Variants in TMEM161A observed in about 807,000 individuals in gnomAD.
The protein encoded by TMEM161A is transmembrane protein 161A.
TMEM161A carries 46 observed loss-of-function variants against 57.1 expected under a neutral mutation model. The ratio of observed to expected loss-of-function variants is 0.81; its 90% CI spans 0.64 to 1.03. The LOEUF is 1.03. Among genes scored for constraint, TMEM161A ranks in the 50% least tolerant of loss-of-function variants. The pLI is 0.00. For synonymous variants in TMEM161A, 288 were observed against 279.0 expected (o/e 1.03, Z -0.32); for missense variants, 601 against 621.5 (o/e 0.97, Z 0.35).
Position 19,130,175 on chromosome 19 carries a change from G to A in TMEM161A, c.576C>T (p.Leu192=), listed in dbSNP as rs752542839. 41 of 1,613,538 alleles carry A rather than the reference G, an allele frequency of 2.5e-5. No homozygotes were observed. The highest frequency in any genetic ancestry group is 1.3e-4 in the East Asian group (6 of 44,894). ...MLVQVVREET[L]ELGLEPGLAS... ...ACTTACCAGGCTCCAGGCCCAGCTC[G>A]AGGGTCTCCTCCCGCACCACTTGCA... The change falls in exon 6 of 12, where the codon CTC becomes CTT. Residue 192 remains leucine, a synonymous_variant. Transcript: ENST00000162044.
intron 6 of TMEM161A, among the ~76,000 whole-genome samples, chr19:19,124,955 CAAAACA>C (rs978974772): frequency 6.6e-6 from 1 of 151,124 alleles, no homozygotes; most frequent in Non-Finnish European, 1.5e-5. Context: ...AACTCCATCT[CAAAACA>C]AAAACAAAAA....
chr19:19,138,268 C>A (rs1264103928), intron 1 of TMEM161A, among the ~76,000 whole-genome samples, 158 bp downstream of exon 1: 17 of 152,232 alleles, frequency 1.1e-4, no homozygotes. Flanking sequence ...GAGCAGGGCT[C>A]CCAGAGAGGG....
At position 19,134,886 on chromosome 19, in the gene TMEM161A, G is replaced by A. The variant is rs772353830; in HGVS notation, c.5C>T (p.Ala2Val). ...CACCACCAGCTGTACTCCGAGGACCGCCTGGGGGGAGGGGACATGACTGGC... is the reference window on the plus strand; with the variant it reads ...CACCACCAGCTGTACTCCGAGGACCACCTGGGGGGAGGGGACATGACTGGC... Reference protein sequence around the residue: MAVLGVQLVVTL... With the variant: MVVLGVQLVVTL... The change falls in exon 2 of 12, where the codon GCG becomes GTG. Residue 2 changes from alanine (A) to valine (V), a missense_variant and splice_region_variant. Transcript: ENST00000162044. 3.2e-6 allele frequency: 5 copies of A among 1,582,182 alleles called. No individual in the cohort carries two copies. The highest frequency in any genetic ancestry group is 1.2e-5 in the South Asian group (1 of 86,544).
Position 19,132,677 on chromosome 19 carries a change from AG to A in TMEM161A, c.265del (p.Leu89SerfsTer56). 1 of 1,576,166 alleles carries A rather than the reference AG, an allele frequency of 6.3e-7. No homozygotes were observed. The highest frequency in any genetic ancestry group is 8.6e-7 in the Non-Finnish European group (1 of 1,160,206). On this transcript the variant is annotated frameshift_variant, in exon 4 of 12. Coordinates refer to ENST00000162044, the MANE Select transcript of TMEM161A (RefSeq NM_017814.3). LOFTEE classifies it high-confidence loss of function. This position sits in a 1 kb window ranked among gnomAD's most constrained non-coding sequence, Gnocchi z 4.3. ...ATTACCCAGGGCATCCACGGTCGTG[AG>A]GGGGCAGGTCTCCAGCTGGAACGGG... is the stretch of plus-strand genomic sequence containing the variant. ...DAPFQLETCP[L>X]TTVDALVLRF...
chr19:19,132,781 G>A lies in TMEM161A; in HGVS notation c.189-27C>T. ...TGGGAGGATGGTGACAAGCAAGAGG[G>A]ACGGTGAGCACGCATTCCACTGAGG... On this transcript the variant is annotated intron_variant, in intron 3 of 11. Transcript: ENST00000162044. This position sits in a 1 kb window ranked among gnomAD's most constrained non-coding sequence, Gnocchi z 4.3. The A allele has an allele frequency of 3.3e-6, 5 of 1,510,956 alleles. No homozygotes were observed. Among genetic ancestry groups the A allele is most frequent in the Non-Finnish European group, 2.7e-6 (3 of 1,124,950 alleles). 93.6% of individuals were successfully genotyped at this position (1,510,956 alleles called of 1,614,324 possible).
rs369276457 is a variant in TMEM161A at position 19,127,583 on chromosome 19, A to C, written c.595+2573T>G. On this transcript the variant is annotated intron_variant, in intron 6 of 11. Transcript: ENST00000162044. ...GTGATCCGCCCGCCTTGGCCTCCCA[A>C]AATGCTGGGATTACAGGCGTGAGCC... Among the ~76,000 whole-genome samples the C allele has an allele frequency of 1.4e-4, 21 of 152,026 alleles. No homozygotes were observed. The South Asian group carries it at 4.4e-3, about 32-fold the overall frequency.
intron 5 of TMEM161A, among the ~76,000 whole-genome samples, chr19:19,130,756 G>A (rs1400807473): frequency 1.3e-5 from 2 of 151,556 alleles, no homozygotes; most frequent in African/African-American, 2.4e-5. Flanking sequence ...GGGTAACATA[G>A]TGAGACCCCC....
chr19:19,120,110 G>A lies in TMEM161A; in HGVS notation c.1260C>T (p.Ile420=), dbSNP rs199747972. The A allele has an allele frequency of 2.4e-5, 37 of 1,572,806 alleles. No homozygotes were observed. The East Asian group carries it at 3.5e-4, about 15-fold the overall frequency. Residue 420 remains isoleucine, a synonymous_variant, in exon 12 of 12, where the codon ATC becomes ATT. Transcript: ENST00000162044. ...GCTGGACTTCGTCCTCCCCAGAGCC[G>A]ATGGGGGCAGCGCTGGCTGAGGATG... ...PDPSSASAAP[I]GSGEDEVQQT... is the part of the protein sequence containing the mutation.
In TMEM161A at chr19:19,120,950, G is replaced by C. The variant is rs768185777; in HGVS notation, c.1089+42C>G. On this transcript the variant is annotated intron_variant, in intron 10 of 11. Transcript: ENST00000162044. ...CAAAGGACCAGGAACCCCACCCTGAGCCCCAGGTTCCCTCTGGCCTAGGTC... is the reference window on the plus strand; with the variant it reads ...CAAAGGACCAGGAACCCCACCCTGACCCCCAGGTTCCCTCTGGCCTAGGTC... 49 of 1,609,232 alleles carry C rather than the reference G, an allele frequency of 3.0e-5. No individual in the cohort carries two copies. In the East Asian group the frequency reaches 8.3e-4, roughly 27 times the overall value.
intron 6 of TMEM161A, among the ~76,000 whole-genome samples, chr19:19,128,313 G>T (rs1205458104): frequency 6.8e-6 from 1 of 147,464 alleles, no homozygotes; most frequent in South Asian, 2.2e-4. Context: ...CTCACTGCAA[G>T]CTCCGCCTAC....
intron 6 of TMEM161A, among the ~76,000 whole-genome samples, chr19:19,125,017 T>C (rs2059924548): frequency 6.6e-6 from 1 of 151,582 alleles, no homozygotes; most frequent in Non-Finnish European, 1.5e-5. Flanking sequence ...GTAAAATATA[T>C]ATAGCATTAA....
chr19:19,130,450 T>C (rs2059953193), intron 5 of TMEM161A, 143 bp from the exon 6 acceptor site: 1 of 1,007,898 alleles, frequency 9.9e-7, no homozygotes, highest in African/African-American at 1.6e-5. Context: ...GAGTTCGGTT[T>C]TGGGGTGCTG....
Position 19,132,856 on chromosome 19 carries a change from C to G in TMEM161A, c.189-102G>C, listed in dbSNP as rs2059965524. 1 of 1,016,770 alleles carries G rather than the reference C, an allele frequency of 9.8e-7. No individual in the cohort carries two copies. Among genetic ancestry groups the G allele is most frequent in the African/African-American group, 1.6e-5 (1 of 61,600 alleles). 63.0% of individuals were successfully genotyped at this position (1,016,770 alleles called of 1,614,324 possible). On this transcript the variant is annotated intron_variant, in intron 3 of 11. Transcript: ENST00000162044. The surrounding 1 kb of genome is among the most constrained non-coding windows in gnomAD (Gnocchi z 4.3). ...AGCTGGCCTGGAGACCATCTCTTTC[C>G]ACAACCTTGGCTCCTCTGCACACTG...
chr19:19,131,312 A>C (rs2059957190), intron 5 of TMEM161A, among the ~76,000 whole-genome samples: 1 of 152,054 alleles, frequency 6.6e-6, no homozygotes, highest in East Asian at 1.9e-4. Context: ...AAGTCACAGG[A>C]GTAGCATTCT....
chr19:19,135,016 G>A (rs2059978625), intron 1 of TMEM161A, 129 bp from the exon 2 acceptor site: 1 of 656,888 alleles, frequency 1.5e-6, no homozygotes, highest in Admixed American at 2.7e-5. Flanking sequence ...AGGCTCTAGC[G>A]GCTTCTTAGG....
In TMEM161A at chr19:19,119,857, A is replaced by C; in HGVS notation, c.*73T>G. On this transcript the variant is annotated 3_prime_UTR_variant, in exon 12 of 12. Coordinates refer to ENST00000162044, the MANE Select transcript of TMEM161A (RefSeq NM_017814.3). ...CTTGCAGCTGGGGACACGGGGGCGC[A>C]AACAGAGGGGGCAGGCTAGTGTCCC... 2 of 1,506,174 alleles carry C rather than the reference A, an allele frequency of 1.3e-6. No individual in the cohort carries two copies. The highest frequency in any genetic ancestry group is 1.8e-6 in the Non-Finnish European group (2 of 1,121,214). 93.3% of individuals were successfully genotyped at this position (1,506,174 alleles called of 1,614,324 possible). A position where few individuals can be genotyped will look rare whatever the true frequency, so the allele number is the denominator to read the frequency against.
At chr19:19,133,781 T>G (rs1244088850) in intron 2 of TMEM161A, among the ~76,000 whole-genome samples, 1 of 152,146 alleles carries the variant, frequency 6.6e-6, no homozygotes, top group Non-Finnish European at 1.5e-5. Flanking sequence ...CTTTGTTTTT[T>G]GTTTTTGAGA....
At chr19:19,133,599 G>A (rs2146338309) in intron 2 of TMEM161A, among the ~76,000 whole-genome samples, 1 of 152,006 alleles carries the variant, frequency 6.6e-6, no homozygotes, top group East Asian at 1.9e-4. Context: ...AGCCTCCCGA[G>A]GAGCTGGGAC....
At chr19:19,128,645 TCTC>T (rs537708231) in intron 6 of TMEM161A, among the ~76,000 whole-genome samples, 1 of 151,578 alleles carries the variant, frequency 6.6e-6, no homozygotes, top group Non-Finnish European at 1.5e-5. Context: ...TTCAAGCAAT[TCTC>T]CTGCCTCAGC....
Sources: gnomAD v4.1 joint callset for allele counts (sites outside exome capture counted in the v4.1 genomes callset) on GRCh38, gnomAD v4.1.1 for gene constraint, Gnocchi (gnomAD v3.1) non-coding constraint, MANE v1.5 for transcripts, NCBI Gene and HGNC (gene_info 2026-07-23, HGNC 2026-07-21) for gene names.